The following CHMP5 variants were observed in gnomAD, a reference collection of about 807,000 sequenced individuals.
CHMP5 encodes SNF7 domain containing 2.
CHMP5 carries 17 observed loss-of-function variants against 33.0 expected under a neutral mutation model. The observed-to-expected ratio is 0.52, with a 90% CI of 0.35 to 0.77. CHMP5 has a LOEUF of 0.77. Among genes scored for constraint, CHMP5 ranks in the 30% least tolerant of loss-of-function variants. The pLI is 0.01. For synonymous variants in CHMP5, 76 were observed against 90.2 expected (o/e 0.84, Z 0.89); for missense variants, 216 against 261.5 (o/e 0.83, Z 1.20).
At position 33,266,056 on chromosome 9, in the gene CHMP5, A is replaced by G. The variant is rs757374416; in HGVS notation, c.116A>G (p.Asp39Gly). ...ESIDKKISRL[D>G]AELVKYKDQI... is the part of the protein sequence containing the mutation. ...ATTGACAAGAAGATTTCTCGATTGG[A>G]TGCTGAGCTAGTGAAGTATAAGGAT... The change falls in exon 2 of 8, where the codon GAT becomes GGT. Residue 39 changes from aspartate (D) to glycine (G), a missense_variant. Asp to Gly is a moderately conservative substitution (Grantham distance 94, BLOSUM62 -1). Coordinates refer to ENST00000223500, the MANE Select transcript of CHMP5 (RefSeq NM_016410.6). The G allele has an allele frequency of 1.2e-6, 2 of 1,613,576 alleles. No individual in the cohort carries two copies. The highest frequency in any genetic ancestry group is 1.7e-6 in the Non-Finnish European group (2 of 1,179,598).
Position 33,276,555 on chromosome 9 carries a change from T to C in CHMP5, c.487T>C (p.Leu163=). Residue 163 remains leucine (L), a synonymous_variant, in exon 6 of 8, where the codon TTA becomes CTA. Transcript: ENST00000223500. ...CACCCCAGAACTGGATGAAGATGAT[T>C]TAGAAGCAGGTAAGTTATGAGAAAA... is the stretch of plus-strand genomic sequence containing the variant. ...YGTPELDEDD[L]EAELDALGDE... 2 of 1,591,134 alleles carry C rather than the reference T, an allele frequency of 1.3e-6. No individual in the cohort carries two copies. Among genetic ancestry groups the C allele is most frequent in the Non-Finnish European group, 1.7e-6 (2 of 1,160,144 alleles).
intron 3 of CHMP5, 30 bp downstream of exon 3, chr9:33,267,929 G>A (rs763179789): frequency 2.0e-6 from 3 of 1,530,356 alleles, no homozygotes; most frequent in Non-Finnish European, 1.8e-6. Flanking sequence ...TCTACCTCTA[G>A]CAGGTTTAAC....
At chr9:33,280,267 G>A (rs537830454) in intron 7 of CHMP5, among the ~76,000 whole-genome samples, 3 of 152,270 alleles carry the variant, frequency 2.0e-5, no homozygotes, top group Middle Eastern at 3.4e-3. Context: ...CTGAGCCACC[G>A]CGCCCGGCCT....
Position 33,281,083 on chromosome 9 carries a change from C to A in CHMP5, c.*224C>A. 1 of 437,458 alleles carries A rather than the reference C, an allele frequency of 2.3e-6. No homozygotes were observed. Among genetic ancestry groups the A allele is most frequent in the Non-Finnish European group, 4.0e-6 (1 of 248,464 alleles). The allele number at this position is 437,458 out of a possible 1,614,324, so 27.1% of individuals were successfully genotyped here. A position where few individuals can be genotyped will look rare whatever the true frequency, so the allele number is the denominator to read the frequency against. ...CTTTTTTTCTTATGAAAAACGAACTCAGTTTAAAAGTATTTTTAGCTCGTA... is the reference window on the plus strand; with the variant it reads ...CTTTTTTTCTTATGAAAAACGAACTAAGTTTAAAAGTATTTTTAGCTCGTA... On this transcript the variant is annotated 3_prime_UTR_variant, in exon 8 of 8. Coordinates refer to ENST00000223500, the MANE Select transcript of CHMP5 (RefSeq NM_016410.6).
intron 6 of CHMP5, 23 bp downstream of exon 6, chr9:33,276,587 T>C (rs765859698): frequency 5.1e-6 from 7 of 1,366,260 alleles, no homozygotes; most frequent in Non-Finnish European, 7.3e-6. Context: ...AAAAGTAATG[T>C]ATATTTAGTT....
chr9:33,267,439 G>T (rs1039231903), intron 2 of CHMP5, among the ~76,000 whole-genome samples: 1 of 152,202 alleles, frequency 6.6e-6, no homozygotes, highest in African/African-American at 2.4e-5. Flanking sequence ...AACCTAGAGA[G>T]GTGAGAGATT....
At chr9:33,270,554 G>A in intron 3 of CHMP5, 69 bp from the exon 4 acceptor site, 2 of 1,175,852 alleles carry the variant, frequency 1.7e-6, no homozygotes, top group East Asian at 2.4e-5. Context: ...TATTTAGTGT[G>A]GGGATACTTT....
At chr9:33,268,023 G>A (rs878883026) in intron 3 of CHMP5, 124 bp downstream of exon 3, 50 of 702,932 alleles carry the variant, frequency 7.1e-5, no homozygotes, top group South Asian at 5.6e-4. Context: ...TTTCATTGAC[G>A]TGTAATTAAA....
chr9:33,269,722 C>A (rs1024410432), intron 3 of CHMP5, among the ~76,000 whole-genome samples: 3 of 152,098 alleles, frequency 2.0e-5, no homozygotes, highest in South Asian at 4.1e-4. Context: ...TGCCTGTAAT[C>A]CCAGCACTTT....
chr9:33,267,772 T>C, intron 2 of CHMP5, 81 bp from the exon 3 acceptor site: 7 of 869,534 alleles, frequency 8.1e-6, no homozygotes, highest in African/African-American at 1.7e-5. Context: ...AGTAGGCATG[T>C]GAGTTTGAGG....
chr9:33,267,714 G>A, intron 2 of CHMP5, 139 bp from the exon 3 acceptor site: 1 of 624,802 alleles, frequency 1.6e-6, no homozygotes, highest in Admixed American at 2.8e-5. Flanking sequence ...GGGAGGGGAA[G>A]TACAGAATCC....
At chr9:33,277,190 CAAAA>C (rs59657807) in intron 6 of CHMP5, among the ~76,000 whole-genome samples, 4 of 53,404 alleles carry the variant, frequency 7.5e-5, no homozygotes, top group South Asian at 1.3e-3. Flanking sequence ...GACCTTCTCT[CAAAA>C]AAAAAAAAAA....
chr9:33,276,368 G>T, intron 5 of CHMP5, 88 bp from the exon 6 acceptor site: 1 of 715,650 alleles, frequency 1.4e-6, no homozygotes, highest in Non-Finnish European at 2.4e-6. Context: ...AATTGCTCAT[G>T]TCTAGATTCA....
intron 7 of CHMP5, among the ~76,000 whole-genome samples, chr9:33,280,262 C>T (rs1295928161): frequency 6.6e-6 from 1 of 152,208 alleles, no homozygotes; most frequent in Non-Finnish European, 1.5e-5. Context: ...CAGGCCTGAG[C>T]CACCGCGCCC....
intron 5 of CHMP5, among the ~76,000 whole-genome samples, chr9:33,275,758 C>G (rs1047554269): frequency 6.6e-6 from 1 of 152,114 alleles, no homozygotes; most frequent in African/African-American, 2.4e-5. Context: ...GCCTATAATC[C>G]CAGCACTTTG....
rs771797321 is a variant in CHMP5, at chr9:33,276,566, T to C, written c.496+2T>C. 9 of 1,552,516 alleles carry C rather than the reference T, an allele frequency of 5.8e-6. No individual in the cohort carries two copies. The East Asian group carries it at 2.0e-4, about 35-fold the overall frequency. On this transcript the variant is annotated splice_donor_variant, in intron 6 of 7. Coordinates refer to ENST00000223500, the MANE Select transcript of CHMP5 (RefSeq NM_016410.6). LOFTEE classifies it high-confidence loss of function. Reference sequence around the variant, plus strand: ...TGGATGAAGATGATTTAGAAGCAGGTAAGTTATGAGAAAAGTAATGTATAT... The same window carrying C: ...TGGATGAAGATGATTTAGAAGCAGGCAAGTTATGAGAAAAGTAATGTATAT...
intron 5 of CHMP5, among the ~76,000 whole-genome samples, chr9:33,272,978 T>G (rs1820813048): frequency 6.6e-6 from 1 of 152,146 alleles, no homozygotes; most frequent in Non-Finnish European, 1.5e-5. Flanking sequence ...TGTCTTTTTT[T>G]GTTGTTGTTG....
chr9:33,275,530 C>T (rs1300865117), intron 5 of CHMP5, among the ~76,000 whole-genome samples: 5 of 152,176 alleles, frequency 3.3e-5, no homozygotes, highest in Admixed American at 6.5e-5. Flanking sequence ...ATCTGTCTTT[C>T]GCTGACTTGA....
At position 33,265,058 on chromosome 9, in the gene CHMP5, G is replaced by A. The variant is rs779128384; in HGVS notation, c.-21G>A. On this transcript the variant is annotated 5_prime_UTR_variant, in exon 1 of 8. Coordinates refer to ENST00000223500, the MANE Select transcript of CHMP5 (RefSeq NM_016410.6). ...TTTCTGGTTTTGCTCTAGTGTTTGG[G>A]TTTCTTCGCGGCTGCTCAAGATGAA... is the stretch of plus-strand genomic sequence containing the variant. 2 of 1,614,154 alleles carry A rather than the reference G, an allele frequency of 1.2e-6. No homozygotes were observed. The highest frequency in any genetic ancestry group is 1.7e-6 in the Non-Finnish European group (2 of 1,179,970).
Sources: gnomAD v4.1 joint callset for allele counts (sites outside exome capture counted in the v4.1 genomes callset) on GRCh38, gnomAD v4.1.1 for gene constraint, MANE v1.5 for transcripts, NCBI Gene and HGNC (gene_info 2026-07-23, HGNC 2026-07-21) for gene names.